The following AOPEP variants were observed in gnomAD, a reference collection of about 807,000 sequenced individuals.
AOPEP encodes the protein aminopeptidase O.
A neutral mutation model predicts 98.1 loss-of-function variants in AOPEP; 77 were observed. The ratio of observed to expected loss-of-function variants is 0.78; its 90% CI spans 0.65 to 0.95. AOPEP has a LOEUF of 0.95. AOPEP is among the 40% of genes least tolerant of loss of function. The probability of loss-of-function intolerance (pLI) is 0.00; values close to 1 mark genes in which losing one functional copy is unlikely to be tolerated. For synonymous variants in AOPEP, 346 were observed against 365.3 expected (o/e 0.95, Z 0.60); for missense variants, 1,024 against 1,024.7 (o/e 1.00, Z 0.01).
At chr9:94,880,345 TTC>T (rs1191423616) in intron 5 of AOPEP, among the ~76,000 whole-genome samples, 3 of 151,968 alleles carry the variant, frequency 2.0e-5, no homozygotes, top group South Asian at 4.1e-4. Context: ...GTCTTTTTTT[TTC>T]TTTTTCTTTT....
chr9:95,106,115 A>C, the AOPEP span, among the ~76,000 whole-genome samples: 1 of 152,056 alleles, frequency 6.6e-6, no homozygotes, highest in Non-Finnish European at 1.5e-5. Flanking sequence ...GTTCCCACGC[A>C]TCCTCACGGG....
rs529449067 is a variant in AOPEP at position 94,907,582 on chromosome 9, G to C, written c.1365-16404G>C. Among the ~76,000 whole-genome samples, 19 of 151,376 alleles carry C rather than the reference G, an allele frequency of 1.3e-4. No individual in the cohort carries two copies. The South Asian group carries it at 4.0e-3, about 32-fold the overall frequency. On this transcript the variant is annotated intron_variant, in intron 5 of 16. Coordinates refer to ENST00000375315, the MANE Select transcript of AOPEP (RefSeq NM_001193329.3). ...TTTTTGCCCCTTTACACACATGCAT[G>C]TGTGCACACACATGCACACCCTCCC...
chr9:94,859,357 C>T (rs774073179), intron 5 of AOPEP, among the ~76,000 whole-genome samples: 4 of 152,186 alleles, frequency 2.6e-5, no homozygotes, highest in Admixed American at 6.5e-5. Context: ...AAATCTCTGT[C>T]GGCACTGTCT....
downstream of AOPEP, among the ~76,000 whole-genome samples, chr9:95,088,720 A>C (rs908486252): frequency 6.6e-5 from 10 of 152,208 alleles, no homozygotes; most frequent in Non-Finnish European, 1.3e-4. Flanking sequence ...AGTGAAAGCC[A>C]TGCTTTATCT....
intron 3 of AOPEP, among the ~76,000 whole-genome samples, chr9:94,779,411 C>G (rs1270067686): frequency 1.3e-5 from 2 of 152,186 alleles, no homozygotes; most frequent in African/African-American, 2.4e-5. Context: ...TGCAGTAAAG[C>G]CTTGTGTTTG....
At chr9:94,941,190 C>T (rs879699504) in intron 7 of AOPEP, among the ~76,000 whole-genome samples, 3 of 152,226 alleles carry the variant, frequency 2.0e-5, no homozygotes, top group South Asian at 2.1e-4. Flanking sequence ...CCCTCTGGCT[C>T]TTCTCTGTAA....
At chr9:95,144,015 CAG>C in the AOPEP span, among the ~76,000 whole-genome samples, 1 of 151,918 alleles carries the variant, frequency 6.6e-6, no homozygotes, top group South Asian at 2.1e-4. Flanking sequence ...AATTGTCAAA[CAG>C]ATGAAATTCC....
intron 7 of AOPEP, among the ~76,000 whole-genome samples, chr9:94,954,288 C>T (rs772952364): frequency 6.6e-5 from 10 of 152,140 alleles, no homozygotes; most frequent in Admixed American, 2.0e-4. Context: ...CGCACCACTG[C>T]GCTCCAGCCT....
chr9:94,922,438 A>C (rs995171783), intron 5 of AOPEP, among the ~76,000 whole-genome samples: 2 of 152,130 alleles, frequency 1.3e-5, no homozygotes, highest in African/African-American at 4.8e-5. Context: ...TTTTAGCCCA[A>C]AGGGTGAACT....
At chr9:95,139,823 T>TATATATATATTTATATATATATATATAA in the AOPEP span, among the ~76,000 whole-genome samples, 6 of 146,052 alleles carry the variant, frequency 4.1e-5, no homozygotes, top group African/African-American at 1.5e-4. Flanking sequence ...ACAAAATGAA[T>TATATATATATTTATATATATATATATAA]ATATATATAT....
chr9:94,983,618 T>C (rs1471646454), intron 11 of AOPEP, among the ~76,000 whole-genome samples: 2 of 151,868 alleles, frequency 1.3e-5, no homozygotes, highest in Admixed American at 6.5e-5. Flanking sequence ...TGGCCTGCTA[T>C]TTGAGGCTAC....
chr9:94,747,578 A>G (rs1834810197), intron 1 of AOPEP, among the ~76,000 whole-genome samples: 1 of 152,250 alleles, frequency 6.6e-6, no homozygotes, highest in African/African-American at 2.4e-5. Flanking sequence ...GAAATGCAAG[A>G]AACCAAATAA....
chr9:95,095,907 G>A, the AOPEP span, among the ~76,000 whole-genome samples: 4 of 152,318 alleles, frequency 2.6e-5, no homozygotes, highest in East Asian at 7.7e-4. Context: ...AAACCACTGA[G>A]GAACAAAGAA....
chr9:95,009,570 T>C (rs3802456), intron 13 of AOPEP, among the ~76,000 whole-genome samples: 115,190 of 152,052 alleles, frequency 0.76, 46,166 homozygotes, highest in Non-Finnish European at 0.89. Context: ...TTTCAAATCA[T>C]TGAAAATTCA....
At chr9:95,050,316 C>T (rs1587800707) in intron 13 of AOPEP, among the ~76,000 whole-genome samples, 1 of 152,170 alleles carries the variant, frequency 6.6e-6, no homozygotes, top group Admixed American at 6.5e-5. Context: ...GAAATTAAAT[C>T]CATTTTATTT....
intron 13 of AOPEP, among the ~76,000 whole-genome samples, chr9:95,033,192 C>T (rs1230148749): frequency 3.9e-5 from 6 of 152,044 alleles, no homozygotes; most frequent in Admixed American, 1.3e-4. Flanking sequence ...GATATAAGTC[C>T]GCTGTGTCCT....
intron 13 of AOPEP, among the ~76,000 whole-genome samples, chr9:95,011,711 T>C (rs1017339236): frequency 6.6e-5 from 10 of 151,892 alleles, no homozygotes; most frequent in African/African-American, 2.4e-4. Flanking sequence ...ACTCAGGAGG[T>C]TGAGGCAGTA....
chr9:95,093,209 C>T, the AOPEP span, among the ~76,000 whole-genome samples: 1 of 152,136 alleles, frequency 6.6e-6, no homozygotes, highest in Non-Finnish European at 1.5e-5. Context: ...AGAGGACTTG[C>T]GTACAGGAGG....
intron 5 of AOPEP, among the ~76,000 whole-genome samples, chr9:94,803,113 A>G (rs1027402763): frequency 1.3e-5 from 2 of 152,214 alleles, no homozygotes; most frequent in African/African-American, 2.4e-5. Context: ...CTAAACAGGA[A>G]TAGAGAAACC....
Sources: gnomAD v4.1 joint callset for allele counts (sites outside exome capture counted in the v4.1 genomes callset) on GRCh38, gnomAD v4.1.1 for gene constraint, MANE v1.5 for transcripts, NCBI Gene and HGNC (gene_info 2026-07-23, HGNC 2026-07-21) for gene names.